Variants in KLF8 observed in about 807,000 individuals in gnomAD.
The protein encoded by KLF8 is KLF transcription factor 8, also known as Krueppel-like factor 8.
Under a neutral mutation model 18.2 loss-of-function variants are expected in KLF8, and 10 were observed. That is an observed-to-expected ratio of 0.55 (90% confidence interval 0.34 to 0.93). The LOEUF (loss-of-function observed/expected upper bound fraction) is 0.93. KLF8 is among the 40% of genes least tolerant of loss of function. The pLI, the probability that KLF8 is intolerant of heterozygous loss-of-function variation, is 0.02. For synonymous variants in KLF8, 109 were observed against 97.3 expected (o/e 1.12, Z -0.71); for missense variants, 264 against 277.9 (o/e 0.95, Z 0.36).
intron 5 of KLF8, among the ~76,000 whole-genome samples, chrX:56,271,985 C>T (rs1413048533): frequency 4.5e-5 from 5 of 111,667 alleles, no homozygotes; most frequent in African/African-American, 9.8e-5. Flanking sequence ...TGTCACCTCT[C>T]GACTCTTAAA....
At chrX:56,108,557 TGTTA>T in the KLF8 span, among the ~76,000 whole-genome samples, 1 of 112,425 alleles carries the variant, frequency 8.9e-6, no homozygotes, top group Admixed American at 9.4e-5. Flanking sequence ...TTATTTCTGA[TGTTA>T]GTTATTTGCA....
the KLF8 span, among the ~76,000 whole-genome samples, chrX:56,158,171 C>G: frequency 1.5e-4 from 17 of 111,554 alleles, no homozygotes; most frequent in East Asian, 1.7e-3. Context: ...TCTTGTTTTT[C>G]TCAGGTTTGT....
chrX:55,997,010 G>A, the KLF8 span, among the ~76,000 whole-genome samples: 2 of 112,035 alleles, frequency 1.8e-5, no homozygotes, highest in Admixed American at 9.4e-5. Flanking sequence ...CAAAGCAGTG[G>A]GGGGAGGCTG....
the KLF8 span, among the ~76,000 whole-genome samples, chrX:55,978,337 TG>T: frequency 2.7e-5 from 3 of 111,979 alleles, no homozygotes; most frequent in African/African-American, 9.7e-5. Context: ...TACAAGTTGA[TG>T]TTTTTCCGTC....
At chrX:56,075,517 C>T in the KLF8 span, among the ~76,000 whole-genome samples, 1 of 111,858 alleles carries the variant, frequency 8.9e-6, no homozygotes, top group Admixed American at 9.5e-5. Flanking sequence ...GTGTTACAAA[C>T]AATCCAATTA....
chrX:56,136,458 C>A, the KLF8 span, among the ~76,000 whole-genome samples: 4 of 111,075 alleles, frequency 3.6e-5, no homozygotes, highest in East Asian at 8.5e-4. Flanking sequence ...CGCATATCTA[C>A]AACTATCTGA....
At chrX:56,228,826 C>A (rs2066384410), upstream of KLF8, among the ~76,000 whole-genome samples, 1 of 111,835 alleles carries the variant, frequency 8.9e-6, no homozygotes, top group Non-Finnish European at 1.9e-5. Context: ...GTGAGGAGGA[C>A]AATTTTGTTC....
chrX:55,982,501 G>T, the KLF8 span, among the ~76,000 whole-genome samples: 2 of 111,842 alleles, frequency 1.8e-5, no homozygotes, highest in Non-Finnish European at 3.8e-5. Context: ...TGATCCTTCT[G>T]CCTCTAACCT....
At chrX:56,148,442 A>T in the KLF8 span, among the ~76,000 whole-genome samples, 9 of 103,446 alleles carry the variant, frequency 8.7e-5, no homozygotes, top group African/African-American at 2.4e-4. Flanking sequence ...CACGAGCTTT[A>T]AAAAAAAAAA....
chrX:55,984,976 T>TC, the KLF8 span, among the ~76,000 whole-genome samples: 2 of 16,937 alleles, frequency 1.2e-4, no homozygotes, highest in Non-Finnish European at 2.2e-3. Context: ...GATTGTTTGC[T>TC]TTTTTTTTTG....
At chrX:55,908,983 G>T in the KLF8 span, among the ~76,000 whole-genome samples, 1 of 111,042 alleles carries the variant, frequency 9.0e-6, no homozygotes, top group African/African-American at 3.3e-5. Flanking sequence ...GCTACCACGG[G>T]CGGGACAGGC....
chrX:56,262,859 G>T (rs1053062520), intron 2 of KLF8, among the ~76,000 whole-genome samples: 5 of 111,028 alleles, frequency 4.5e-5, no homozygotes, highest in Non-Finnish European at 9.4e-5. Context: ...CTGACCTCAA[G>T]TGATCCACCT....
In KLF8 at chrX:56,233,321, C is replaced by T. The variant is rs372265867; in HGVS notation, c.-14C>T. ...CATGAGTTCTGGACACTTCAGGAGT[C>T]CTCAGCTAGTGACATGGTCGGTAAG... On this transcript the variant is annotated 5_prime_UTR_variant, in exon 1 of 6. Transcript: ENST00000468660. The T allele has an allele frequency of 2.5e-5, 30 of 1,200,714 alleles. No homozygotes were observed. In the African/African-American group the frequency reaches 4.8e-4, roughly 19 times the overall value.
the KLF8 span, among the ~76,000 whole-genome samples, chrX:56,029,778 A>G: frequency 1.9e-3 from 208 of 111,709 alleles, no homozygotes; most frequent in Non-Finnish European, 3.3e-3. Context: ...GAGCGATTGG[A>G]CTGGGCATTC....
At chrX:56,190,200 G>A in the KLF8 span, among the ~76,000 whole-genome samples, 2 of 110,969 alleles carry the variant, frequency 1.8e-5, no homozygotes, top group South Asian at 3.8e-4. Flanking sequence ...ATCAGACAAA[G>A]TAGATTTCAA....
chrX:56,019,031 C>A, the KLF8 span, among the ~76,000 whole-genome samples: 1 of 111,790 alleles, frequency 8.9e-6, no homozygotes, highest in Non-Finnish European at 1.9e-5. Context: ...GCTCTGACAG[C>A]CTTTACTTTC....
chrX:55,997,999 T>C, the KLF8 span, among the ~76,000 whole-genome samples: 1 of 111,588 alleles, frequency 9.0e-6, no homozygotes, highest in Non-Finnish European at 1.9e-5. Context: ...CACAAGACAA[T>C]AGTGGGGAGA....
At chrX:56,204,568 G>A in the KLF8 span, among the ~76,000 whole-genome samples, 1 of 110,876 alleles carries the variant, frequency 9.0e-6, no homozygotes, top group Non-Finnish European at 1.9e-5. Context: ...TGTCATATAT[G>A]GCTTTTATTA....
the KLF8 span, among the ~76,000 whole-genome samples, chrX:55,982,422 C>T: frequency 8.9e-6 from 1 of 111,818 alleles, no homozygotes; most frequent in South Asian, 3.8e-4. Context: ...TTTACTCTGT[C>T]TCCACTGCCT....
Sources: allele counts gnomAD v4.1 joint callset (sites outside exome capture counted in the v4.1 genomes callset), GRCh38; gene constraint gnomAD v4.1.1; transcripts MANE v1.5; gene names NCBI Gene and HGNC (gene_info 2026-07-23, HGNC 2026-07-21).